The following GOLGB1 variants were observed in gnomAD, a reference collection of about 807,000 sequenced individuals.
GOLGB1 encodes the protein golgin subfamily B member 1.
In GOLGB1, 174 loss-of-function variants were observed where a neutral mutation model predicts 336.9. That is an observed-to-expected ratio of 0.52 (90% CI 0.46 to 0.59). The LOEUF (loss-of-function observed/expected upper bound fraction) is 0.59, where lower values mean the gene tolerates loss of function less well. GOLGB1 is among the 20% of genes least tolerant of loss of function. The pLI is 0.00. For missense variants in GOLGB1, 3,331 were observed against 3,645.3 expected (o/e 0.91, Z 2.22); for synonymous variants, 1,208 against 1,289.2 (o/e 0.94, Z 1.35).
intron 9 of GOLGB1, 131 bp downstream of exon 9, chr3:121,716,606 G>T (rs745585753): frequency 3.0e-6 from 2 of 674,524 alleles, no homozygotes; most frequent in Non-Finnish European, 4.9e-6. Context: ...GTTCAGAAGA[G>T]CTGTTTTTCT....
intron 1 of GOLGB1, among the ~76,000 whole-genome samples, chr3:121,737,101 T>C (rs908498798): frequency 1.3e-5 from 2 of 152,240 alleles, no homozygotes; most frequent in African/African-American, 2.4e-5. Context: ...GCTTTGTGTA[T>C]ACAATAACTG....
intron 11 of GOLGB1, 99 bp downstream of exon 11, chr3:121,702,382 G>A (rs1336727804): frequency 1.3e-5 from 6 of 457,550 alleles, no homozygotes; most frequent in Middle Eastern, 4.9e-4. Flanking sequence ...TTATTATCAC[G>A]GAATCAGAGA....
intron 17 of GOLGB1, among the ~76,000 whole-genome samples, chr3:121,673,897 T>C (rs1402433117): frequency 6.6e-6 from 1 of 152,088 alleles, no homozygotes; most frequent in Non-Finnish European, 1.5e-5. Context: ...ATTTTTGTAT[T>C]TTTAGTAGAG....
At chr3:121,742,601 A>G (rs2108408066) in intron 1 of GOLGB1, among the ~76,000 whole-genome samples, 1 of 152,374 alleles carries the variant, frequency 6.6e-6, no homozygotes, top group Non-Finnish European at 1.5e-5. Context: ...TGGCAAAAAA[A>G]GCCAAAATAG....
At position 121,714,861 on chromosome 3, in the gene GOLGB1, C is replaced by T; in HGVS notation, c.1404G>A (p.Gln468=). 5 of 1,538,386 alleles carry T rather than the reference C, an allele frequency of 3.3e-6. No homozygotes were observed. Among genetic ancestry groups the T allele is most frequent in the Non-Finnish European group, 4.5e-6 (5 of 1,111,242 alleles). ...SFPDVYNEGT[Q]AVTEENIASL... Reference sequence around the variant, plus strand: ...TCATAAGAAGTTCACATTTAATTACCTGTGTGCCCTCATTATAAACATCTG... The same window carrying T: ...TCATAAGAAGTTCACATTTAATTACTTGTGTGCCCTCATTATAAACATCTG... Residue 468 remains glutamine (Q), a splice_region_variant and synonymous_variant, in exon 10 of 22, where the codon CAG becomes CAA. Transcript: ENST00000614479.
At chr3:121,679,703 C>T (rs1940842346) in intron 15 of GOLGB1, among the ~76,000 whole-genome samples, 1 of 152,164 alleles carries the variant, frequency 6.6e-6, no homozygotes, top group African/African-American at 2.4e-5. Context: ...ACCTCACCCT[C>T]CTTACTGGAG....
chr3:121,723,672 A>G (rs1945348909), intron 5 of GOLGB1, among the ~76,000 whole-genome samples: 1 of 152,198 alleles, frequency 6.6e-6, no homozygotes, highest in Non-Finnish European at 1.5e-5. Flanking sequence ...AATTATTACA[A>G]ATAAACCTAT....
intron 15 of GOLGB1, among the ~76,000 whole-genome samples, chr3:121,678,946 C>T (rs1358102175): frequency 6.6e-6 from 1 of 152,062 alleles, no homozygotes; most frequent in Non-Finnish European, 1.5e-5. Context: ...TGTTTTTATA[C>T]ACTAAGTGTT....
Position 121,697,250 on chromosome 3 carries a change from A to G in GOLGB1, c.3273T>C (p.Ala1091=), listed in dbSNP as rs1381551121. 6 of 1,614,104 alleles carry G rather than the reference A, an allele frequency of 3.7e-6. No homozygotes were observed. The highest frequency in any genetic ancestry group is 4.2e-6 in the Non-Finnish European group (5 of 1,180,002). Residue 1091 remains alanine (A), a synonymous_variant, in exon 13 of 22, where the codon GCT becomes GCC. Coordinates refer to ENST00000614479, the MANE Select transcript of GOLGB1 (RefSeq NM_001366282.2). ...TGACCAGAGCCTGGAATTGCTCTTC[A>G]GCTGCCAGCTTTTCTTCCAAATCCT... The part of the protein sequence containing the change: ...IRKDLEEKLA[A]EEQFQALVKQ...
chr3:121,738,877 C>T (rs1372905704), intron 1 of GOLGB1, among the ~76,000 whole-genome samples: 1 of 152,138 alleles, frequency 6.6e-6, no homozygotes, highest in Non-Finnish European at 1.5e-5. Flanking sequence ...TGAACAATGT[C>T]TGAAAATAGC....
At chr3:121,732,187 C>T (rs1210674190) in intron 1 of GOLGB1, among the ~76,000 whole-genome samples, 3 of 151,904 alleles carry the variant, frequency 2.0e-5, no homozygotes, top group African/African-American at 7.2e-5. Context: ...CACACACACA[C>T]ATATATATAC....
chr3:121,697,804 G>A lies in GOLGB1; in HGVS notation c.2719C>T (p.Gln907Ter). ...ATACTAAAGCTGATTTCTGTCACTT[G>A]TTGATCCTTCTCCTCGATGGTTTGT... ...LQQTIEEKDQ[Q>*]VTEISFSMTE... The change falls in exon 13 of 22, where the codon CAA becomes TAA. Residue 907 changes from glutamine (Q) to a stop codon, truncating the protein, a stop_gained. Coordinates refer to ENST00000614479, the MANE Select transcript of GOLGB1 (RefSeq NM_001366282.2). LOFTEE classifies it high-confidence loss of function. 1 of 1,613,984 alleles carries A rather than the reference G, an allele frequency of 6.2e-7. No homozygotes were observed. The highest frequency in any genetic ancestry group is 8.5e-7 in the Non-Finnish European group (1 of 1,179,874).
At position 121,696,873 on chromosome 3, in the gene GOLGB1, T is replaced by C. The variant is rs3732410; in HGVS notation, c.3650A>G (p.Tyr1217Cys). The change falls in exon 13 of 22, where the codon TAT becomes TGT. Residue 1217 changes from tyrosine (Y) to cysteine (C), a missense_variant. By Grantham distance (194) the Tyr-to-Cys change is radical. Coordinates refer to ENST00000614479, the MANE Select transcript of GOLGB1 (RefSeq NM_001366282.2). Reference sequence around the variant, plus strand: ...ATCAAACTGTTCTTGCAAGCGATTATAGTCATCTTTCTGTTGCTTTAGCTC... The same window carrying C: ...ATCAAACTGTTCTTGCAAGCGATTACAGTCATCTTTCTGTTGCTTTAGCTC... ...REELKQQKDD[Y>C]NRLQEQFDEQ... 367,992 of 1,613,820 alleles carry C rather than the reference T, an allele frequency of 0.23. 44,756 individuals are homozygous for C. Among genetic ancestry groups the C allele is most frequent in the East Asian group, 0.42 (18,673 of 44,864 alleles).
At chr3:121,674,939 T>C (rs550285595) in intron 17 of GOLGB1, among the ~76,000 whole-genome samples, 24 of 149,922 alleles carry the variant, frequency 1.6e-4, no homozygotes, top group Non-Finnish European at 2.7e-4. Context: ...GGGTTCACGC[T>C]ATTCTCCTGC....
intron 4 of GOLGB1, among the ~76,000 whole-genome samples, chr3:121,728,419 C>T (rs931606772): frequency 6.6e-6 from 1 of 152,164 alleles, no homozygotes; most frequent in African/African-American, 2.4e-5. Context: ...TTCTTACACA[C>T]GGTGAAGTCT....
intron 10 of GOLGB1, among the ~76,000 whole-genome samples, chr3:121,710,333 T>C (rs901001652): frequency 1.3e-5 from 2 of 152,134 alleles, no homozygotes; most frequent in Non-Finnish European, 2.9e-5. Context: ...GAACATATTA[T>C]GAGGCTGCCA....
At chr3:121,712,679 C>T (rs1276870772) in intron 10 of GOLGB1, among the ~76,000 whole-genome samples, 1 of 152,146 alleles carries the variant, frequency 6.6e-6, no homozygotes, top group Non-Finnish European at 1.5e-5. Context: ...AGAAGGTGTA[C>T]ATATGGCTAA....
intron 1 of GOLGB1, among the ~76,000 whole-genome samples, chr3:121,745,530 G>A (rs1300562228): frequency 6.7e-6 from 1 of 149,274 alleles, no homozygotes; most frequent in Non-Finnish European, 1.5e-5. Flanking sequence ...ATATGTATAC[G>A]TGTATGTATA....
chr3:121,681,954 ACAC>A (rs1941120203), intron 14 of GOLGB1, 89 bp from the exon 15 acceptor site: 3 of 815,656 alleles, frequency 3.7e-6, no homozygotes, highest in Admixed American at 4.2e-5. Context: ...AAGTAGTCAG[ACAC>A]CACAACATGA....
Sources: allele counts gnomAD v4.1 joint callset (sites outside exome capture counted in the v4.1 genomes callset), GRCh38; gene constraint gnomAD v4.1.1; transcripts MANE v1.5; gene names NCBI Gene and HGNC (gene_info 2026-07-23, HGNC 2026-07-21).